Variants in CLIP2 observed in about 807,000 individuals in gnomAD.
CLIP2 encodes CAP-Gly domain-containing linker protein 2.
A neutral mutation model predicts 111.7 loss-of-function variants in CLIP2; 41 were observed. The ratio of observed to expected loss-of-function variants is 0.37; its 90% confidence interval spans 0.29 to 0.48. CLIP2 has a LOEUF of 0.48. Ranked by LOEUF, CLIP2 falls within the 20% of genes least tolerant of loss-of-function variation. The pLI is 0.99. For synonymous variants in CLIP2, 660 were observed against 644.2 expected (o/e 1.02, Z -0.37); for missense variants, 1,160 against 1,422.1 (o/e 0.82, Z 2.96).
At chr7:74,297,291 A>G (rs1452480682) in intron 1 of CLIP2, among the ~76,000 whole-genome samples, 1 of 152,030 alleles carries the variant, frequency 6.6e-6, no homozygotes, top group African/African-American at 2.4e-5. Context: ...TGGGCAACCT[A>G]GCAAGGGCCC....
chr7:74,325,788 C>T (rs919064296), intron 2 of CLIP2, among the ~76,000 whole-genome samples: 14 of 151,752 alleles, frequency 9.2e-5, no homozygotes, highest in African/African-American at 2.9e-4. Context: ...GCTTAGATCA[C>T]GCCATTGCAC....
intron 1 of CLIP2, among the ~76,000 whole-genome samples, chr7:74,304,489 G>A (rs182327569): frequency 1.3e-4 from 19 of 151,158 alleles, no homozygotes; most frequent in East Asian, 9.8e-4. Flanking sequence ...TCACGCCATT[G>A]CACTCCAACC....
chr7:74,354,784 A>T (rs1489368094), intron 4 of CLIP2, among the ~76,000 whole-genome samples: 1 of 145,408 alleles, frequency 6.9e-6, no homozygotes, highest in Non-Finnish European at 1.5e-5. Context: ...AAATAATAAA[A>T]AATAAATAAA....
intron 1 of CLIP2, among the ~76,000 whole-genome samples, chr7:74,296,784 G>T (rs1249022080): frequency 6.6e-4 from 60 of 91,166 alleles, no homozygotes; most frequent in Non-Finnish European, 1.3e-3. Flanking sequence ...GTAAGATTTT[G>T]TCTCAAAAAA....
At chr7:74,363,656 G>C (rs1554310194) in intron 7 of CLIP2, among the ~76,000 whole-genome samples, 2 of 152,106 alleles carry the variant, frequency 1.3e-5, no homozygotes, top group African/African-American at 4.8e-5. Flanking sequence ...AGGCTGAGGT[G>C]GGCAGATCAC....
chr7:74,393,250 A>G (rs1384109213), intron 13 of CLIP2, among the ~76,000 whole-genome samples: 1 of 149,310 alleles, frequency 6.7e-6, no homozygotes, highest in Admixed American at 6.7e-5. Flanking sequence ...CTGGTCTCCA[A>G]CTCCTAACCT....
intron 3 of CLIP2, among the ~76,000 whole-genome samples, chr7:74,345,076 C>T (rs1789766400): frequency 6.6e-6 from 1 of 152,114 alleles, no homozygotes; most frequent in Non-Finnish European, 1.5e-5. Context: ...CAGTACCCGC[C>T]TCATGGAAAT....
intron 2 of CLIP2, among the ~76,000 whole-genome samples, chr7:74,320,389 G>T (rs10479695): frequency 1.3e-5 from 2 of 151,788 alleles, no homozygotes; most frequent in Non-Finnish European, 2.9e-5. Context: ...AGGCACGGTG[G>T]TGTATACCTG....
rs1177447442 is a variant in CLIP2, at chr7:74,388,817, A to G, written c.2564-286A>G. The G allele has an allele frequency of 4.1e-5, 10 of 243,246 alleles. No individual in the cohort carries two copies. The South Asian group carries it at 9.2e-4, about 22-fold the overall frequency. 15.1% of individuals were successfully genotyped at this position (243,246 alleles called of 1,614,324 possible). A position where few individuals can be genotyped will look rare whatever the true frequency, so the allele number is the denominator to read the frequency against. The stretch of plus-strand genomic sequence containing the variant: ...CTCCAAAAAAAAAAAACCGCCAGGT[A>G]TGATGGTGCACTCCTGTAGTCCCAG... On this transcript the variant is annotated intron_variant, in intron 12 of 16. Transcript: ENST00000223398.
chr7:74,360,403 C>T lies in CLIP2; in HGVS notation c.1319+125C>T, dbSNP rs528143930. The T allele has an allele frequency of 3.2e-4, 206 of 652,170 alleles. 2 individuals carry two copies. In the South Asian group the frequency reaches 3.6e-3, roughly 12 times the overall value. 40.4% of individuals were successfully genotyped at this position (652,170 alleles called of 1,614,324 possible). The stretch of plus-strand genomic sequence containing the variant: ...CCTGTCACTGCCTCTGGCTGTGTCA[C>T]CCTGGACTGGTGACATTAACTCTTG... On this transcript the variant is annotated intron_variant, in intron 7 of 16. Transcript: ENST00000223398.
chr7:74,396,968 T>C (rs181316849), intron 13 of CLIP2, 106 bp from the exon 14 acceptor site: 42 of 1,397,082 alleles, frequency 3.0e-5, no homozygotes, highest in Middle Eastern at 2.6e-4. Flanking sequence ...GTAGCCCATG[T>C]CCCCCACCAG....
intron 16 of CLIP2, 122 bp from the exon 17 acceptor site, chr7:74,403,715 C>A: frequency 2.1e-6 from 2 of 952,742 alleles, no homozygotes; most frequent in South Asian, 1.3e-5. Context: ...TTGGCACATG[C>A]AGTTCGCTCT....
chr7:74,290,598 C>T (rs1554725232), intron 1 of CLIP2, among the ~76,000 whole-genome samples: 1 of 152,200 alleles, frequency 6.6e-6, no homozygotes, highest in Non-Finnish European at 1.5e-5. Flanking sequence ...CCCCCAACGT[C>T]TGAGACCCCT....
At chr7:74,346,230 C>T (rs1554306225) in intron 3 of CLIP2, among the ~76,000 whole-genome samples, 1 of 152,054 alleles carries the variant, frequency 6.6e-6, no homozygotes, top group African/African-American at 2.4e-5. Flanking sequence ...ATTCTCCTTT[C>T]TCAGTCTCCC....
At chr7:74,316,133 T>A (rs1788765548) in intron 1 of CLIP2, among the ~76,000 whole-genome samples, 2 of 150,564 alleles carry the variant, frequency 1.3e-5, no homozygotes, top group Non-Finnish European at 3.0e-5. Flanking sequence ...ACATGTGGTG[T>A]TTGGTTTTCT....
At chr7:74,400,320 AAC>A in intron 14 of CLIP2, 48 bp from the exon 15 acceptor site, 6 of 1,472,338 alleles carry the variant, frequency 4.1e-6, no homozygotes, top group East Asian at 2.4e-5. Context: ...GACGCCCACC[AAC>A]ACACACACGC....
At chr7:74,390,169 G>GAAAGAA (rs1364934914) in intron 13 of CLIP2, among the ~76,000 whole-genome samples, 1 of 26,250 alleles carries the variant, frequency 3.8e-5, no homozygotes, top group Non-Finnish European at 1.2e-4. Context: ...AAAGAAGAAA[G>GAAAGAA]AAAGAAAGAA....
At chr7:74,315,255 G>A (rs892616838) in intron 1 of CLIP2, among the ~76,000 whole-genome samples, 10 of 152,016 alleles carry the variant, frequency 6.6e-5, no homozygotes, top group African/African-American at 1.2e-4. Context: ...TAGCCTGGGC[G>A]AGAGAGCGAG....
At chr7:74,391,942 C>CA (rs1264837901) in intron 13 of CLIP2, among the ~76,000 whole-genome samples, 2 of 152,150 alleles carry the variant, frequency 1.3e-5, no homozygotes, top group Non-Finnish European at 2.9e-5. Context: ...CATGGTGGCT[C>CA]ACACCTGAAA....
Sources: gnomAD v4.1 joint callset for allele counts (sites outside exome capture counted in the v4.1 genomes callset) on GRCh38, gnomAD v4.1.1 for gene constraint, MANE v1.5 for transcripts, NCBI Gene and HGNC (gene_info 2026-07-23, HGNC 2026-07-21) for gene names.